Variants in ATRNL1 observed in about 807,000 individuals in gnomAD.
ATRNL1 encodes the protein attractin-like protein 1.
In ATRNL1, 95 loss-of-function variants were observed where a neutral mutation model predicts 182.7. The ratio of observed to expected loss-of-function variants is 0.52; its 90% CI spans 0.44 to 0.62. The LOEUF is 0.62. Among genes scored for constraint, ATRNL1 ranks in the 20% least tolerant of loss-of-function variants. ATRNL1 has a pLI of 0.00. For synonymous variants in ATRNL1, 576 were observed against 568.3 expected (o/e 1.01, Z -0.19); for missense variants, 1,471 against 1,679.5 (o/e 0.88, Z 2.17).
chr10:115,310,706 A>T (rs1309375595), intron 17 of ATRNL1, among the ~76,000 whole-genome samples: 1 of 152,124 alleles, frequency 6.6e-6, no homozygotes, highest in Non-Finnish European at 1.5e-5. Context: ...AATTAAACTT[A>T]TTTGAATCCT....
chr10:115,465,579 A>G (rs116376347), intron 22 of ATRNL1, among the ~76,000 whole-genome samples: 31 of 148,572 alleles, frequency 2.1e-4, no homozygotes, highest in African/African-American at 7.1e-4. Context: ...CAGCTTGTCA[A>G]TAGAATTCAG....
At chr10:115,762,614 G>T (rs1555073907) in intron 27 of ATRNL1, among the ~76,000 whole-genome samples, 1 of 152,024 alleles carries the variant, frequency 6.6e-6, no homozygotes, top group Non-Finnish European at 1.5e-5. Flanking sequence ...GATTTGGGGA[G>T]AAAGGGTACA....
chr10:115,650,329 G>A (rs181376763), intron 26 of ATRNL1, among the ~76,000 whole-genome samples: 1 of 151,988 alleles, frequency 6.6e-6, no homozygotes, highest in East Asian at 1.9e-4. Flanking sequence ...TAATTGAGAT[G>A]CTGTTTTTTC....
At chr10:115,496,319 A>G (rs768835471) in intron 24 of ATRNL1, among the ~76,000 whole-genome samples, 9 of 152,098 alleles carry the variant, frequency 5.9e-5, no homozygotes, top group Non-Finnish European at 1.0e-4. Flanking sequence ...TTTGTGGTGG[A>G]AAGTAATGGT....
chr10:115,455,796 TCAAA>T (rs1847496136), intron 21 of ATRNL1, among the ~76,000 whole-genome samples: 2 of 151,534 alleles, frequency 1.3e-5, no homozygotes, highest in Middle Eastern at 3.4e-3. Flanking sequence ...CAAGAAAAAA[TCAAA>T]CAACCCCATC....
At chr10:115,893,391 A>C (rs1298780227) in intron 28 of ATRNL1, among the ~76,000 whole-genome samples, 1 of 152,196 alleles carries the variant, frequency 6.6e-6, no homozygotes, top group Non-Finnish European at 1.5e-5. Flanking sequence ...GGAAAGAGCA[A>C]GGTTTCGGAT....
chr10:115,120,299 ATTT>A, intron 2 of ATRNL1, 31 bp downstream of exon 2: 1 of 1,129,490 alleles, frequency 8.9e-7, no homozygotes, highest in South Asian at 1.4e-5. Flanking sequence ...AAATTAATGT[ATTT>A]TATTCTTAAA....
chr10:115,537,921 C>T (rs1852132509), intron 25 of ATRNL1, among the ~76,000 whole-genome samples: 1 of 152,150 alleles, frequency 6.6e-6, no homozygotes, highest in Admixed American at 6.6e-5. Context: ...CAACCATTGA[C>T]CTGATCTCTG....
At chr10:115,606,433 T>G (rs1555017628) in intron 26 of ATRNL1, among the ~76,000 whole-genome samples, 1 of 152,012 alleles carries the variant, frequency 6.6e-6, no homozygotes, top group African/African-American at 2.4e-5. Flanking sequence ...TTTCAGGGTA[T>G]AACACAAGAA....
rs948530705 is a variant in ATRNL1, at chr10:115,426,317, A to C, written c.3322+15A>C. Reference sequence around the variant, plus strand: ...AACATGTTATTGTAAGTATATGTGTATTCTTCATTTTAAATAATTGGTGCA... The same window carrying C: ...AACATGTTATTGTAAGTATATGTGTCTTCTTCATTTTAAATAATTGGTGCA... On this transcript the variant is annotated intron_variant, in intron 21 of 28. Transcript: ENST00000355044. 6.3e-7 allele frequency: 1 copy of C among 1,577,594 alleles called. No homozygotes were observed.
intron 20 of ATRNL1, among the ~76,000 whole-genome samples, chr10:115,396,689 A>G (rs896040294): frequency 6.6e-6 from 1 of 151,974 alleles, no homozygotes; most frequent in Non-Finnish European, 1.5e-5. Context: ...CCATGATAGT[A>G]AACACTGTCA....
At chr10:115,473,104 A>G (rs1848380214) in intron 24 of ATRNL1, among the ~76,000 whole-genome samples, 1 of 151,208 alleles carries the variant, frequency 6.6e-6, no homozygotes, top group Non-Finnish European at 1.5e-5. Flanking sequence ...AGATGATCAT[A>G]TAATTTTTGT....
At chr10:115,721,936 C>T (rs782279605) in intron 26 of ATRNL1, among the ~76,000 whole-genome samples, 6 of 152,136 alleles carry the variant, frequency 3.9e-5, no homozygotes, top group African/African-American at 9.7e-5. Flanking sequence ...ACTGAACAAC[C>T]TACCTGGAAA....
chr10:115,191,930 C>T (rs1554889920), intron 8 of ATRNL1, among the ~76,000 whole-genome samples: 1 of 152,020 alleles, frequency 6.6e-6, no homozygotes, highest in Non-Finnish European at 1.5e-5. Context: ...ATCTTTTGCC[C>T]ATTTAAAAAT....
At chr10:115,118,932 G>A (rs1353304662) in intron 1 of ATRNL1, among the ~76,000 whole-genome samples, 2 of 152,000 alleles carry the variant, frequency 1.3e-5, no homozygotes, top group African/African-American at 4.8e-5. Flanking sequence ...AAAAATCAGG[G>A]CAAGTTATTT....
chr10:115,678,553 T>C (rs1205148603), intron 26 of ATRNL1, among the ~76,000 whole-genome samples: 1 of 152,066 alleles, frequency 6.6e-6, no homozygotes, highest in African/African-American at 2.4e-5. Flanking sequence ...GGGAAACAGT[T>C]TGTAACTGTG....
chr10:115,450,002 A>T (rs1306648900), intron 21 of ATRNL1, among the ~76,000 whole-genome samples: 1 of 152,186 alleles, frequency 6.6e-6, no homozygotes, highest in Non-Finnish European at 1.5e-5. Context: ...GGTTTGACAC[A>T]AGCAAATCAA....
At chr10:115,172,972 A>T (rs1038644331) in intron 8 of ATRNL1, among the ~76,000 whole-genome samples, 1 of 151,832 alleles carries the variant, frequency 6.6e-6, no homozygotes, top group Non-Finnish European at 1.5e-5. Flanking sequence ...CTCCTGGATG[A>T]CTATTTCATA....
intron 28 of ATRNL1, among the ~76,000 whole-genome samples, chr10:115,901,722 A>G (rs889144705): frequency 6.8e-6 from 1 of 147,874 alleles, no homozygotes; most frequent in African/African-American, 2.6e-5. Flanking sequence ...GAAAAACACC[A>G]GAGAGGAACA....
Sources: gnomAD v4.1 joint callset for allele counts (sites outside exome capture counted in the v4.1 genomes callset) on GRCh38, gnomAD v4.1.1 for gene constraint, MANE v1.5 for transcripts, NCBI Gene and HGNC (gene_info 2026-07-23, HGNC 2026-07-21) for gene names.